Variants in PCDH15 observed in about 807,000 individuals in gnomAD.
The protein encoded by PCDH15 is protocadherin related 15.
A neutral mutation model predicts 178.5 loss-of-function variants in PCDH15; 129 were observed. That is an observed-to-expected ratio of 0.72 (90% CI 0.63 to 0.84). The LOEUF is 0.84. Ranked by LOEUF, PCDH15 falls within the 40% of genes least tolerant of loss-of-function variation. The probability of loss-of-function intolerance (pLI) is 0.00; values close to 1 mark genes in which losing one functional copy is unlikely to be tolerated. For synonymous variants in PCDH15, 800 were observed against 732.0 expected (o/e 1.09, Z -1.50); for missense variants, 2,230 against 2,099.9 (o/e 1.06, Z -1.21).
intron 3 of PCDH15, among the ~76,000 whole-genome samples, chr10:54,438,888 T>C (rs909244348): frequency 6.6e-6 from 1 of 152,120 alleles, no homozygotes; most frequent in African/African-American, 2.4e-5. Flanking sequence ...TAATTCACTG[T>C]CTATATGATA....
At chr10:54,272,626 G>T (rs2132518132) in intron 8 of PCDH15, among the ~76,000 whole-genome samples, 1 of 152,186 alleles carries the variant, frequency 6.6e-6, no homozygotes, top group Admixed American at 6.5e-5. Flanking sequence ...TGCAGTCAAT[G>T]AATCCAGTTT....
chr10:54,065,558 G>C (rs2094121288), intron 18 of PCDH15, among the ~76,000 whole-genome samples: 1 of 152,210 alleles, frequency 6.6e-6, no homozygotes, highest in South Asian at 2.1e-4. Flanking sequence ...TTGTTGGCCA[G>C]TTGGTATCAA....
chr10:54,524,242 A>G (rs2083162689), intron 3 of PCDH15, among the ~76,000 whole-genome samples: 1 of 152,200 alleles, frequency 6.6e-6, no homozygotes, highest in Non-Finnish European at 1.5e-5. Context: ...AGAGTGTACA[A>G]TATATTTTAA....
chr10:54,569,841 A>G (rs2089550113), intron 2 of PCDH15, among the ~76,000 whole-genome samples: 1 of 152,152 alleles, frequency 6.6e-6, no homozygotes, highest in South Asian at 2.1e-4. Flanking sequence ...TTTAAGATAC[A>G]CAAAAATCTT....
At chr10:54,400,689 A>C (rs1438500191) in intron 3 of PCDH15, among the ~76,000 whole-genome samples, 1 of 152,084 alleles carries the variant, frequency 6.6e-6, no homozygotes. Context: ...CAGTTAATCG[A>C]AAATTATTAA....
chr10:54,495,008 G>T (rs2079981016), intron 3 of PCDH15, among the ~76,000 whole-genome samples: 1 of 151,992 alleles, frequency 6.6e-6, no homozygotes, highest in African/African-American at 2.4e-5. Flanking sequence ...CCTCTCCCCA[G>T]CTCTTTTCTT....
At chr10:53,969,542 A>G (rs1372673705) in intron 21 of PCDH15, among the ~76,000 whole-genome samples, 1 of 152,210 alleles carries the variant, frequency 6.6e-6, no homozygotes, top group African/African-American at 2.4e-5. Context: ...GAGCAACTCC[A>G]AGGCACATGA....
At chr10:54,166,312 A>G (rs2046223563) in intron 13 of PCDH15, among the ~76,000 whole-genome samples, 1 of 152,192 alleles carries the variant, frequency 6.6e-6, no homozygotes, top group Admixed American at 6.5e-5. Context: ...GTGAAGAAGG[A>G]TTATTTCTTG....
intron 2 of PCDH15, among the ~76,000 whole-genome samples, chr10:55,383,602 A>C: frequency 6.6e-6 from 1 of 152,194 alleles, no homozygotes; most frequent in East Asian, 1.9e-4. Context: ...TGAGAGAAGT[A>C]AATGAGCTTC....
At chr10:53,971,387 A>G (rs2089667054) in intron 21 of PCDH15, among the ~76,000 whole-genome samples, 1 of 152,210 alleles carries the variant, frequency 6.6e-6, no homozygotes, top group Admixed American at 6.5e-5. Context: ...CAAGACAGGG[A>G]TGCCCTATCT....
At chr10:55,553,273 A>T (rs2132090132) in intron 2 of PCDH15, among the ~76,000 whole-genome samples, 1 of 151,502 alleles carries the variant, frequency 6.6e-6, no homozygotes, top group East Asian at 1.9e-4. Context: ...TGGATTTCTG[A>T]TTCTCAAAGT....
intron 8 of PCDH15, among the ~76,000 whole-genome samples, chr10:54,271,127 A>C (rs1309830799): frequency 6.6e-6 from 1 of 152,190 alleles, no homozygotes; most frequent in Non-Finnish European, 1.5e-5. Flanking sequence ...CTTCTCTTAC[A>C]AGTGCAGCTA....
intron 3 of PCDH15, among the ~76,000 whole-genome samples, chr10:54,807,639 G>A (rs1448466420): frequency 6.7e-6 from 1 of 149,886 alleles, no homozygotes; most frequent in African/African-American, 2.4e-5. Context: ...TAGATTTCTT[G>A]AGTCTAAAAC....
At chr10:55,218,772 C>T (rs1044469637) in intron 1 of PCDH15, among the ~76,000 whole-genome samples, 4 of 152,034 alleles carry the variant, frequency 2.6e-5, no homozygotes, top group Admixed American at 6.6e-5. Flanking sequence ...GGAGCTATCT[C>T]AAATGAGGGG....
intron 3 of PCDH15, among the ~76,000 whole-genome samples, chr10:54,829,141 A>G (rs1953180875): frequency 6.6e-6 from 1 of 152,048 alleles, no homozygotes; most frequent in African/African-American, 2.4e-5. Flanking sequence ...TTTTACCTCA[A>G]GTGTGATGAA....
intron 1 of PCDH15, among the ~76,000 whole-genome samples, chr10:54,765,818 C>T (rs1254291121): frequency 1.3e-5 from 2 of 152,052 alleles, no homozygotes; most frequent in Non-Finnish European, 2.9e-5. Flanking sequence ...CATGGCATAA[C>T]CTCCAGAGGG....
rs138351139 is a variant in PCDH15, at chr10:55,242,788, C to T, written c.-155-76137G>A. Among the ~76,000 whole-genome samples the T allele has an allele frequency of 1.6e-3, 246 of 152,206 alleles. 5 individuals carry two copies. In the East Asian group the frequency reaches 0.045, roughly 28 times the overall value. On this transcript the variant is annotated intron_variant, in intron 1 of 5. Transcript: ENST00000458638. ...ATCATCTGTGCCCAGGAGGTTGAGC[C>T]GTGATCCCACCACTGCACTCCAGCC...
rs139239447 is a variant in PCDH15, at chr10:54,905,080, A to C, written c.-79-7580T>G. ...CATATAAGAAAACCAATGTTCAGAG[A>C]AGTTGTCTGAGGTCCCACACCTAAT... is the stretch of plus-strand genomic sequence containing the variant. On this transcript the variant is annotated intron_variant, in intron 2 of 5. Transcript: ENST00000458638. Among the ~76,000 whole-genome samples the C allele has an allele frequency of 7.1e-3, 1,077 of 152,064 alleles. 8 individuals carry two copies. Among genetic ancestry groups the C allele is most frequent in the Non-Finnish European group, 0.011 (740 of 67,922 alleles).
intron 2 of PCDH15, among the ~76,000 whole-genome samples, chr10:55,032,813 C>T (rs1840644660): frequency 6.6e-6 from 1 of 152,084 alleles, no homozygotes; most frequent in African/African-American, 2.4e-5. Flanking sequence ...AGTGCCAGGG[C>T]CTTGGTGGCA....
Sources: gnomAD v4.1 joint callset for allele counts (sites outside exome capture counted in the v4.1 genomes callset) on GRCh38, gnomAD v4.1.1 for gene constraint, MANE v1.5 for transcripts, NCBI Gene and HGNC (gene_info 2026-07-23, HGNC 2026-07-21) for gene names.